UBE2K: variants seen among roughly 807,000 people sequenced by gnomAD.
UBE2K encodes the protein ubiquitin-conjugating enzyme E2 K.
A neutral mutation model predicts 30.0 loss-of-function variants in UBE2K; 6 were observed. The ratio of observed to expected loss-of-function variants is 0.20; its 90% CI spans 0.11 to 0.39. The LOEUF (loss-of-function observed/expected upper bound fraction) is 0.39. Ranked by LOEUF, UBE2K falls within the 10% of genes least tolerant of loss-of-function variation. The probability of loss-of-function intolerance (pLI) is 1.00; values close to 1 mark genes in which losing one functional copy is unlikely to be tolerated. For missense variants in UBE2K, 61 were observed against 241.6 expected, an observed-to-expected ratio of 0.25 and a Z score of 4.96; for synonymous variants, 86 against 83.7, an observed-to-expected ratio of 1.03 and a Z score of -0.15.
In UBE2K at chr4:39,698,163, G is replaced by T; in HGVS notation, c.-165G>T. The T allele has an allele frequency of 2.8e-6, 2 of 711,878 alleles. No homozygotes were observed. The highest frequency in any genetic ancestry group is 5.0e-6 in the Non-Finnish European group (2 of 400,414). 44.1% of individuals were successfully genotyped at this position (711,878 alleles called of 1,614,324 possible). On this transcript the variant is annotated 5_prime_UTR_variant, in exon 1 of 7. Transcript: ENST00000261427. ...CATTTTGGTGGCCGGGCGCGGAGGTGATTCCACACTGAGGCGAGCGCGGCG... is the reference window on the plus strand; with the variant it reads ...CATTTTGGTGGCCGGGCGCGGAGGTTATTCCACACTGAGGCGAGCGCGGCG...
intron 1 of UBE2K, among the ~76,000 whole-genome samples, chr4:39,713,089 C>T (rs1021814348): frequency 6.6e-6 from 1 of 151,780 alleles, no homozygotes; most frequent in South Asian, 2.1e-4. Context: ...GTCTCTAACT[C>T]CTGACCTCAG....
At chr4:39,743,528 C>T (rs966388725) in intron 2 of UBE2K, among the ~76,000 whole-genome samples, 1 of 151,142 alleles carries the variant, frequency 6.6e-6, no homozygotes, top group East Asian at 2.0e-4. Flanking sequence ...GGCGTGAACC[C>T]GGGAGGCGGA....
chr4:39,712,596 A>G (rs1718770739), intron 1 of UBE2K, among the ~76,000 whole-genome samples: 1 of 151,554 alleles, frequency 6.6e-6, no homozygotes, highest in South Asian at 2.1e-4. Flanking sequence ...TAAGTTTTGT[A>G]TTTTTAGTAC....
In UBE2K at chr4:39,781,782, T is replaced by G. The variant is rs1241046268; in HGVS notation, c.*3348T>G. 1 of 395,458 alleles carries G rather than the reference T, an allele frequency of 2.5e-6. No individual in the cohort carries two copies. Among genetic ancestry groups the G allele is most frequent in the Non-Finnish European group, 4.5e-6 (1 of 224,306 alleles). 24.5% of individuals were successfully genotyped at this position (395,458 alleles called of 1,614,324 possible). ...TCATGGACTTCTACAAAATGTTGTA[T>G]TAATCACTTTTTCTAGTTCAAGGAA... On this transcript the variant is annotated 3_prime_UTR_variant, in exon 7 of 7. Coordinates refer to ENST00000261427, the MANE Select transcript of UBE2K (RefSeq NM_005339.5).
chr4:39,779,899 G>A lies in UBE2K; in HGVS notation c.*1465G>A, dbSNP rs1486857240. On this transcript the variant is annotated 3_prime_UTR_variant, in exon 7 of 7. Transcript: ENST00000261427. ...TTATCTTAAATTATAATCGTTAAAT[G>A]TTTGGAAGATAATTTTTGAATCATA... is the stretch of plus-strand genomic sequence containing the variant. 1 of 152,090 alleles carries A rather than the reference G, an allele frequency of 6.6e-6. No homozygotes were observed. Among genetic ancestry groups the A allele is most frequent in the Non-Finnish European group, 1.5e-5 (1 of 67,992 alleles). 9.4% of individuals were successfully genotyped at this position (152,090 alleles called of 1,614,324 possible).
chr4:39,734,186 A>G (rs1249110977), intron 1 of UBE2K, among the ~76,000 whole-genome samples: 2 of 150,636 alleles, frequency 1.3e-5, no homozygotes, highest in South Asian at 2.1e-4. Flanking sequence ...GCTCACTCCA[A>G]CCTCCACACC....
chr4:39,743,660 G>T (rs927538544), intron 2 of UBE2K, among the ~76,000 whole-genome samples: 1 of 151,170 alleles, frequency 6.6e-6, no homozygotes, highest in African/African-American at 2.4e-5. Context: ...ATAACTATCA[G>T]CTCACGGCCA....
intron 4 of UBE2K, among the ~76,000 whole-genome samples, chr4:39,760,830 G>A (rs1711889114): frequency 6.6e-6 from 1 of 152,206 alleles, no homozygotes; most frequent in Non-Finnish European, 1.5e-5. Context: ...CGATAGTGGT[G>A]AGGGTGGGCA....
chr4:39,770,670 G>A, intron 4 of UBE2K: 3 of 1,581,352 alleles, frequency 1.9e-6, no homozygotes, highest in Non-Finnish European at 2.6e-6. Context: ...ACCCTGCGGT[G>A]GGGCCACAGT....
At chr4:39,773,254 G>A (rs1418974528) in intron 4 of UBE2K, among the ~76,000 whole-genome samples, 1 of 151,410 alleles carries the variant, frequency 6.6e-6, no homozygotes, top group Non-Finnish European at 1.5e-5. Context: ...CGGATCACAA[G>A]GTCAGGAGAT....
intron 4 of UBE2K, chr4:39,770,398 G>A: frequency 1.9e-6 from 3 of 1,613,102 alleles, no homozygotes; most frequent in Non-Finnish European, 2.5e-6. Context: ...ATGAAGTGCT[G>A]CTGCCGCATG....
chr4:39,737,547 G>A (rs776889350), intron 2 of UBE2K, 34 bp downstream of exon 2: 111 of 1,303,592 alleles, frequency 8.5e-5, no homozygotes, highest in Admixed American at 1.4e-4. Flanking sequence ...AATATTGTGC[G>A]TATTAGAACT....
At chr4:39,737,332 A>G in intron 1 of UBE2K, 88 bp from the exon 2 acceptor site, 1 of 649,010 alleles carries the variant, frequency 1.5e-6, no homozygotes, top group Non-Finnish European at 2.5e-6. Context: ...AGCTTATGAA[A>G]GAGGGGGTTT....
chr4:39,734,015 A>T (rs1212923806), intron 1 of UBE2K, among the ~76,000 whole-genome samples: 36 of 152,112 alleles, frequency 2.4e-4, no homozygotes, highest in Admixed American at 2.4e-3. Flanking sequence ...CTTGATGGAA[A>T]ATTGAGCTGT....
At chr4:39,698,442 C>A in intron 1 of UBE2K, 52 bp downstream of exon 1, 2 of 1,553,144 alleles carry the variant, frequency 1.3e-6, no homozygotes, top group Non-Finnish European at 1.8e-6. Context: ...GCGGGAGGGT[C>A]CTCCCAGCTG....
At position 39,747,277 on chromosome 4, in the gene UBE2K, A is replaced by G. The variant is rs1367381963; in HGVS notation, c.216+1467A>G. On this transcript the variant is annotated intron_variant, in intron 3 of 6. Coordinates refer to ENST00000261427, the MANE Select transcript of UBE2K (RefSeq NM_005339.5). Reference sequence around the variant, plus strand: ...GGCAGTGTATTTACCTTGTTGTTTAACCTTTACCATTATCTGTCTGTAGAA... The same window carrying G: ...GGCAGTGTATTTACCTTGTTGTTTAGCCTTTACCATTATCTGTCTGTAGAA... Among the ~76,000 whole-genome samples, 3 of 152,096 alleles carry G rather than the reference A, an allele frequency of 2.0e-5. No homozygotes were observed. In the East Asian group the frequency reaches 5.8e-4, roughly 29 times the overall value.
intron 1 of UBE2K, chr4:39,714,540 A>ATTTTTTTTTTT (rs1316202885): frequency 4.9e-5 from 1 of 20,554 alleles, no homozygotes; most frequent in Non-Finnish European, 7.5e-5. Flanking sequence ...ATATATATAT[A>ATTTTTTTTTTT]TATATATATA....
At chr4:39,707,333 A>G (rs1165756606) in intron 1 of UBE2K, among the ~76,000 whole-genome samples, 1 of 151,890 alleles carries the variant, frequency 6.6e-6, no homozygotes, top group Non-Finnish European at 1.5e-5. Flanking sequence ...TGCTTGACCC[A>G]GTAGCTGGGA....
At chr4:39,750,117 C>G (rs1374205576) in intron 3 of UBE2K, among the ~76,000 whole-genome samples, 1 of 152,084 alleles carries the variant, frequency 6.6e-6, no homozygotes, top group Non-Finnish European at 1.5e-5. Flanking sequence ...TCGCTTGAAC[C>G]CAAGAGGCGG....
Sources: gnomAD v4.1 joint callset for allele counts (sites outside exome capture counted in the v4.1 genomes callset) on GRCh38, gnomAD v4.1.1 for gene constraint, MANE v1.5 for transcripts, NCBI Gene and HGNC (gene_info 2026-07-23, HGNC 2026-07-21) for gene names.